The following LRRC45 variants were observed in gnomAD, a reference collection of about 807,000 sequenced individuals.
The protein encoded by LRRC45 is leucine-rich repeat-containing protein 45.
A neutral mutation model predicts 85.4 loss-of-function variants in LRRC45; 73 were observed. That is an observed-to-expected ratio of 0.85 (90% confidence interval 0.71 to 1.04). The LOEUF (loss-of-function observed/expected upper bound fraction) is 1.04. Ranked by LOEUF, LRRC45 falls within the 50% of genes least tolerant of loss-of-function variation. LRRC45 has a pLI of 0.00. For missense variants in LRRC45, 937 were observed against 883.3 expected, an observed-to-expected ratio of 1.06 and a Z score of -0.77; for synonymous variants, 429 against 386.0, an observed-to-expected ratio of 1.11 and a Z score of -1.31.
Position 82,027,763 on chromosome 17 carries a change from G to A in LRRC45, c.911+12G>A, listed in dbSNP as rs745795040. The A allele has an allele frequency of 1.2e-6, 2 of 1,608,848 alleles. No individual in the cohort carries two copies. The highest frequency in any genetic ancestry group is 1.3e-5 in the African/African-American group (1 of 74,890). ...GCTCTCAAGGCCAAGTAAGTGGGGG[G>A]TGGCCTCAGGATACTTCAGAGACGT... On this transcript the variant is annotated intron_variant, in intron 8 of 16. Coordinates refer to ENST00000306688, the MANE Select transcript of LRRC45 (RefSeq NM_144999.4).
In LRRC45 at chr17:82,028,220, C is replaced by T. The variant is rs752706446; in HGVS notation, c.1048-14C>T. 2.8e-5 allele frequency: 44 copies of T among 1,566,220 alleles called. No homozygotes were observed. Among genetic ancestry groups the T allele is most frequent in the Admixed American group, 1.5e-4 (8 of 52,646 alleles). ...TTCGTGACCCTCACTACCCATACCC[C>T]GTTCCCCTCCCAGGAAGCTGCAGAG... On this transcript the variant is annotated splice_polypyrimidine_tract_variant and intron_variant, in intron 9 of 16. Transcript: ENST00000306688.
In LRRC45 at chr17:82,028,385, G is replaced by A. The variant is rs1341577295; in HGVS notation, c.1126-12G>A. On this transcript the variant is annotated splice_polypyrimidine_tract_variant and intron_variant, in intron 10 of 16. Transcript: ENST00000306688. ...CTGGGCTGCAGCTTCCCTCCCTGGTGCCGGCTTTCAGGTAGACGAGTTGGA... is the reference window on the plus strand; with the variant it reads ...CTGGGCTGCAGCTTCCCTCCCTGGTACCGGCTTTCAGGTAGACGAGTTGGA... 1 of 1,611,894 alleles carries A rather than the reference G, an allele frequency of 6.2e-7. No homozygotes were observed. The highest frequency in any genetic ancestry group is 8.5e-7 in the Non-Finnish European group (1 of 1,179,766).
At chr17:82,023,911 A>G in intron 1 of LRRC45, 48 bp downstream of exon 1, 1 of 1,493,402 alleles carries the variant, frequency 6.7e-7, no homozygotes, top group Non-Finnish European at 9.0e-7. Flanking sequence ...AGCTGCCCAC[A>G]CCATTGCCTC....
Position 82,028,600 on chromosome 17 carries a change from C to A in LRRC45, c.1238-13C>A, listed in dbSNP as rs1471494111. ...GGATGCTCACGCATACTCTGCCCAC[C>A]CTGGGCTTCCAGAGCGCCTGGACAT... On this transcript the variant is annotated splice_polypyrimidine_tract_variant and intron_variant, in intron 11 of 16. Coordinates refer to ENST00000306688, the MANE Select transcript of LRRC45 (RefSeq NM_144999.4). The A allele has an allele frequency of 1.2e-6, 2 of 1,612,612 alleles. No homozygotes were observed. The highest frequency in any genetic ancestry group is 2.7e-5 in the African/African-American group (2 of 74,932).
In LRRC45 at chr17:82,030,143, C is replaced by T. The variant is rs2043404860; in HGVS notation, c.1573C>T (p.Gln525Ter). 1 of 1,547,890 alleles carries T rather than the reference C, an allele frequency of 6.5e-7. No homozygotes were observed. The highest frequency in any genetic ancestry group is 2.0e-5 in the Admixed American group (1 of 50,952). Reference sequence around the variant, plus strand: ...GGACGAGGCGCAGGGCGCTTGCCTACAGCAGAAGCAGGTGGTGGCCGAGGC... The same window carrying T: ...GGACGAGGCGCAGGGCGCTTGCCTATAGCAGAAGCAGGTGGTGGCCGAGGC... ...ARDEAQGACLQQKQVVAEAQT... is the reference protein window; with the variant it reads ...ARDEAQGACL Residue 525 changes from glutamine (Q) to a stop codon, truncating the protein, a stop_gained, in exon 15 of 17, where the codon CAG (glutamine) becomes TAG (stop). Transcript: ENST00000306688. LOFTEE classifies it high-confidence loss of function.
chr17:82,027,378 G>C lies in LRRC45; in HGVS notation c.775-8G>C, dbSNP rs201334461. The C allele has an allele frequency of 1.2e-6, 2 of 1,612,452 alleles. No homozygotes were observed. Among genetic ancestry groups the C allele is most frequent in the African/African-American group, 2.7e-5 (2 of 74,944 alleles). On this transcript the variant is annotated splice_polypyrimidine_tract_variant and splice_region_variant and intron_variant, in intron 6 of 16. Transcript: ENST00000306688. ...CCCTGACAGGGCTGCGGCTGTCTCT[G>C]TCCCCAGTTCCTCGACTTGATGGAG...
At chr17:82,027,651 T>C in intron 7 of LRRC45, 23 bp from the exon 8 acceptor site, 5 of 1,604,624 alleles carry the variant, frequency 3.1e-6, no homozygotes, top group Non-Finnish European at 4.3e-6. Flanking sequence ...GGTTACTCTC[T>C]GCACCCTCCT....
At chr17:82,024,247 C>T (rs755288221) in intron 1 of LRRC45, 31 bp from the exon 2 acceptor site, 2 of 1,608,736 alleles carry the variant, frequency 1.2e-6, no homozygotes, top group South Asian at 2.2e-5. Flanking sequence ...TCAGCAGGGG[C>T]AGAGAGTGAC....
Position 82,028,492 on chromosome 17 carries a change from G to A in LRRC45, c.1221G>A (p.Arg407=), listed in dbSNP as rs2043388247. The change falls in exon 11 of 17, where the codon CGG becomes CGA. Residue 407 remains arginine (R), a synonymous_variant. Transcript: ENST00000306688. ...MTSMSAELKM[R]AIQAEERLDM... ...GCATGTCAGCTGAGCTGAAGATGCG[G>A]GCCATCCAGGCCGAGGGTGGGCACG... 1.9e-6 allele frequency: 3 copies of A among 1,612,346 alleles called. No homozygotes were observed. The highest frequency in any genetic ancestry group is 3.3e-4 in the Middle Eastern group (2 of 6,076).
chr17:82,026,783 T>A, intron 5 of LRRC45, 116 bp from the exon 6 acceptor site: 1 of 708,044 alleles, frequency 1.4e-6, no homozygotes, highest in Non-Finnish European at 2.4e-6. Flanking sequence ...TTTCACCATG[T>A]TGGCCAGGCT....
At chr17:82,027,895 G>A (rs1323298736) in intron 8 of LRRC45, 116 bp from the exon 9 acceptor site, 3 of 1,513,718 alleles carry the variant, frequency 2.0e-6, no homozygotes, top group South Asian at 1.2e-5. Flanking sequence ...CCTTCCTGGA[G>A]GAGGCGGGTG....
At chr17:82,025,687 C>T (rs1197768077) in intron 5 of LRRC45, among the ~76,000 whole-genome samples, 180 bp downstream of exon 5, 1 of 152,244 alleles carries the variant, frequency 6.6e-6, no homozygotes, top group Non-Finnish European at 1.5e-5. Flanking sequence ...GCGTTCGCCA[C>T]ACATGGGCAC....
Position 82,029,616 on chromosome 17 carries a change from G to C in LRRC45, c.1475G>C (p.Ser492Thr), listed in dbSNP as rs372010624. Residue 492 changes from serine to threonine, a missense_variant, in exon 14 of 17, where the codon AGC becomes ACC. Transcript: ENST00000306688. ...GAGGAGGAGCTGATCAAGGCCAAGA[G>C]CCAGGCCCGCCTGGAGGAGGTGAGC... ...QAEEELIKAKSQARLEEQQRL... is the reference protein window; with the variant it reads ...QAEEELIKAKTQARLEEQQRL... The C allele has an allele frequency of 5.2e-5, 82 of 1,573,996 alleles. No homozygotes were observed. Among genetic ancestry groups the C allele is most frequent in the Admixed American group, 1.8e-5 (1 of 54,682 alleles).
At chr17:82,024,562 C>A in intron 2 of LRRC45, 131 bp from the exon 3 acceptor site, 1 of 1,137,028 alleles carries the variant, frequency 8.8e-7, no homozygotes. Flanking sequence ...AGACAGGGAG[C>A]CCAGGAGCTG....
At position 82,029,085 on chromosome 17, in the gene LRRC45, C is replaced by T. The variant is rs73999344; in HGVS notation, c.1309-8C>T. ...CACTCTGGCCCCACAATCCCTGCCCCTGAGCAGGTGGAGCATATGACCCGT... is the reference window on the plus strand; with the variant it reads ...CACTCTGGCCCCACAATCCCTGCCCTTGAGCAGGTGGAGCATATGACCCGT... On this transcript the variant is annotated splice_region_variant and splice_polypyrimidine_tract_variant and intron_variant, in intron 12 of 16. Transcript: ENST00000306688. 5,485 of 1,611,336 alleles carry T rather than the reference C, an allele frequency of 3.4e-3. 174 individuals are homozygous for T. The African/African-American group carries it at 0.065, about 19-fold the overall frequency.
At chr17:82,025,963 A>T (rs2043364395) in intron 5 of LRRC45, among the ~76,000 whole-genome samples, 1 of 152,158 alleles carries the variant, frequency 6.6e-6, no homozygotes, top group Admixed American at 6.5e-5. Flanking sequence ...GCGACCCCGA[A>T]TCCTTGCAGC....
intron 7 of LRRC45, 66 bp from the exon 8 acceptor site, chr17:82,027,608 G>A: frequency 2.6e-6 from 4 of 1,551,146 alleles, no homozygotes; most frequent in Non-Finnish European, 3.5e-6. Context: ...CAGCTACCGA[G>A]GCCAGAGGGG....
Position 82,025,541 on chromosome 17 carries a change from G to A in LRRC45, c.661+34G>A, listed in dbSNP as rs763981616. On this transcript the variant is annotated intron_variant, in intron 5 of 16. Transcript: ENST00000306688. ...CAGGGCTGTGTGGAGTGACGCGTGA[G>A]CCTTTGACAGAGGCCTGTCCACCGA... 24 of 1,501,684 alleles carry A rather than the reference G, an allele frequency of 1.6e-5. No homozygotes were observed. In the Admixed American group the frequency reaches 4.6e-4, roughly 29 times the overall value. The allele number at this position is 1,501,684 out of a possible 1,614,324, so 93.0% of individuals were successfully genotyped here.
Position 82,023,776 on chromosome 17 carries a change from G to A in LRRC45, c.133G>A (p.Glu45Lys). 1 of 1,563,954 alleles carries A rather than the reference G, an allele frequency of 6.4e-7. No individual in the cohort carries two copies. The highest frequency in any genetic ancestry group is 8.6e-7 in the Non-Finnish European group (1 of 1,157,150). Reference sequence around the variant, plus strand: ...CCTGGCCACGCAAAGCCTGACGGTGGAGACCTGCAGGGCCCTGGGCAAGCT... The same window carrying A: ...CCTGGCCACGCAAAGCCTGACGGTGAAGACCTGCAGGGCCCTGGGCAAGCT... Reference protein sequence around the residue: ...LDLATQSLTVETCRALGKLLP... With the variant: ...LDLATQSLTVKTCRALGKLLP... Residue 45 changes from glutamate (E) to lysine (K), a missense_variant, in exon 1 of 17, where the codon GAG becomes AAG. By Grantham distance (56) the Glu-to-Lys change is moderately conservative. Transcript: ENST00000306688.
Sources: gnomAD v4.1 joint callset for allele counts (sites outside exome capture counted in the v4.1 genomes callset) on GRCh38, gnomAD v4.1.1 for gene constraint, MANE v1.5 for transcripts, NCBI Gene and HGNC (gene_info 2026-07-23, HGNC 2026-07-21) for gene names.